Variants in FAAH2 observed in about 807,000 individuals in gnomAD.
The protein encoded by FAAH2 is fatty acid amide hydrolase 2.
Under a neutral mutation model 36.9 loss-of-function variants are expected in FAAH2, and 60 were observed. The observed-to-expected ratio is 1.63, with a 90% CI of 1.32 to 2.02. FAAH2 has a LOEUF of 2.02. FAAH2 is among the 30% of genes most tolerant of loss of function. The pLI is 0.00. For synonymous variants in FAAH2, 214 were observed against 143.8 expected (o/e 1.49, Z -3.49); for missense variants, 689 against 397.5 (o/e 1.73, Z -6.23).
chrX:57,250,053 C>T, the FAAH2 span, among the ~76,000 whole-genome samples: 4 of 111,990 alleles, frequency 3.6e-5, no homozygotes, highest in Non-Finnish European at 7.5e-5. Context: ...AGGCCATAGA[C>T]ATTGAACAAA....
chrX:57,324,081 C>A (rs2053129987), intron 3 of FAAH2, among the ~76,000 whole-genome samples: 1 of 111,890 alleles, frequency 8.9e-6, no homozygotes, highest in Non-Finnish European at 1.9e-5. Flanking sequence ...TTCCCAGCAC[C>A]ATTTATTAAA....
At chrX:57,348,043 G>A (rs929602033) in intron 5 of FAAH2, among the ~76,000 whole-genome samples, 1 of 110,691 alleles carries the variant, frequency 9.0e-6, no homozygotes, top group Non-Finnish European at 1.9e-5. Flanking sequence ...GATCACTAGT[G>A]CAGTGCCTAC....
chrX:57,378,692 G>A lies in FAAH2; in HGVS notation c.784G>A (p.Ala262Thr). 2.5e-6 allele frequency: 3 copies of A among 1,211,234 alleles called. No individual in the cohort carries two copies. Among genetic ancestry groups the A allele is most frequent in the South Asian group, 3.5e-5 (2 of 56,973 alleles). ...AGGTCAGTTTCCCTTGGCTGTGGGA[G>A]CCCAGGAGTTGTTTCTGTGCACTGG... ...NKGQFPLAVGAQELFLCTGPM... is the reference protein window; with the variant it reads ...NKGQFPLAVGTQELFLCTGPM... Residue 262 changes from alanine (A) to threonine (T), a missense_variant, in exon 6 of 11, where the codon GCC becomes ACC. Transcript: ENST00000374900.
the FAAH2 span, among the ~76,000 whole-genome samples, chrX:57,260,121 C>T: frequency 0.025 from 2,820 of 111,265 alleles, 100 homozygotes; most frequent in African/African-American, 0.087. Context: ...TTTAAAAACC[C>T]TTCAAAATAA....
At chrX:57,163,706 C>T in the FAAH2 span, among the ~76,000 whole-genome samples, 1 of 112,274 alleles carries the variant, frequency 8.9e-6, no homozygotes, top group African/African-American at 3.2e-5. Context: ...GGCAATGCCT[C>T]GCCCTGCTTC....
At chrX:57,208,064 C>G in the FAAH2 span, among the ~76,000 whole-genome samples, 2 of 112,646 alleles carry the variant, frequency 1.8e-5, no homozygotes, top group African/African-American at 3.2e-5. Flanking sequence ...TCTATATCAC[C>G]CTCTTGTCTA....
intron 7 of FAAH2, among the ~76,000 whole-genome samples, chrX:57,383,654 C>T (rs999470300): frequency 3.6e-5 from 4 of 111,547 alleles, no homozygotes; most frequent in African/African-American, 1.3e-4. Context: ...CTACAAATTA[C>T]TGCTCAATGA....
chrX:57,274,320 T>C, the FAAH2 span, among the ~76,000 whole-genome samples: 26 of 111,994 alleles, frequency 2.3e-4, no homozygotes, highest in Non-Finnish European at 4.1e-4. Context: ...AGCCGAATTC[T>C]ACCAGAGGAA....
intron 5 of FAAH2, 70 bp from the exon 6 acceptor site, chrX:57,378,581 C>A: frequency 2.6e-6 from 3 of 1,167,239 alleles, no homozygotes; most frequent in Non-Finnish European, 3.5e-6. Context: ...GATTAAACAC[C>A]ATAATGAAAT....
At chrX:57,446,608 C>A (rs2056679929) in intron 8 of FAAH2, among the ~76,000 whole-genome samples, 1 of 111,695 alleles carries the variant, frequency 9.0e-6, no homozygotes, top group Admixed American at 9.5e-5. Context: ...CTTAAGTAAC[C>A]AAGAATCTAC....
At chrX:57,183,222 A>T in the FAAH2 span, among the ~76,000 whole-genome samples, 1 of 111,786 alleles carries the variant, frequency 8.9e-6, no homozygotes. Flanking sequence ...ATAAAATTTT[A>T]AAAAATCTTG....
chrX:57,319,197 A>G (rs940725229), intron 3 of FAAH2, among the ~76,000 whole-genome samples: 4 of 111,786 alleles, frequency 3.6e-5, no homozygotes, highest in African/African-American at 9.7e-5. Context: ...AAAGAAATAA[A>G]GCATATTCAA....
chrX:57,373,740 T>C (rs1355128454), intron 5 of FAAH2, among the ~76,000 whole-genome samples: 1 of 111,759 alleles, frequency 8.9e-6, no homozygotes, highest in East Asian at 2.8e-4. Context: ...CTCACCTCTT[T>C]ATCTTTGTTT....
At chrX:57,447,068 G>C (rs1339253373) in intron 9 of FAAH2, 29 bp downstream of exon 9, 7 of 1,028,396 alleles carry the variant, frequency 6.8e-6, no homozygotes, top group Non-Finnish European at 9.2e-6. Flanking sequence ...ACCTAGACCA[G>C]TTTGATGTCC....
chrX:57,432,247 G>A (rs1437226214), intron 8 of FAAH2, among the ~76,000 whole-genome samples: 1 of 111,334 alleles, frequency 9.0e-6, no homozygotes, highest in South Asian at 3.7e-4. Flanking sequence ...ATTCCTATAT[G>A]GAAATCAGTG....
At chrX:57,480,468 A>G (rs1201304885) in intron 10 of FAAH2, among the ~76,000 whole-genome samples, 1 of 111,818 alleles carries the variant, frequency 8.9e-6, no homozygotes, top group Non-Finnish European at 1.9e-5. Context: ...TTTGTCTTTG[A>G]AAGATTTTAT....
At chrX:57,330,879 G>A (rs2053383879) in intron 3 of FAAH2, among the ~76,000 whole-genome samples, 1 of 110,680 alleles carries the variant, frequency 9.0e-6, no homozygotes, top group Non-Finnish European at 1.9e-5. Flanking sequence ...CAGGTCAGGT[G>A]CTATCCACCT....
the FAAH2 span, among the ~76,000 whole-genome samples, chrX:57,200,023 C>T: frequency 1.8e-5 from 2 of 111,208 alleles, no homozygotes; most frequent in African/African-American, 6.5e-5. Flanking sequence ...TCATTAAGTT[C>T]TGTTTTGTTA....
the FAAH2 span, among the ~76,000 whole-genome samples, chrX:57,163,856 C>G: frequency 3.0e-4 from 34 of 112,472 alleles, 1 homozygote; most frequent in African/African-American, 1.1e-3. Flanking sequence ...TAGACCAGAG[C>G]TGTTTCTATT....
Sources: gnomAD v4.1 joint callset for allele counts (sites outside exome capture counted in the v4.1 genomes callset) on GRCh38, gnomAD v4.1.1 for gene constraint, MANE v1.5 for transcripts, NCBI Gene and HGNC (gene_info 2026-07-23, HGNC 2026-07-21) for gene names.